The following RUNX1 variants were observed in gnomAD, a reference collection of about 807,000 sequenced individuals.
The protein encoded by RUNX1 is runt-related transcription factor 1.
In RUNX1, 19 loss-of-function variants were observed where a neutral mutation model predicts 42.8. The ratio of observed to expected loss-of-function variants is 0.44; its 90% CI spans 0.31 to 0.65. The LOEUF (loss-of-function observed/expected upper bound fraction) is 0.65, where lower values mean the gene tolerates loss of function less well. Among genes scored for constraint, RUNX1 ranks in the 30% least tolerant of loss-of-function variants. The pLI is 0.07. For synonymous variants in RUNX1, 271 were observed against 289.4 expected (o/e 0.94, Z 0.64); for missense variants, 528 against 672.0 (o/e 0.79, Z 2.37).
At chr21:34,815,289 G>A (rs1223025167) in intron 7 of RUNX1, among the ~76,000 whole-genome samples, 2 of 152,300 alleles carry the variant, frequency 1.3e-5, no homozygotes, top group East Asian at 3.9e-4. Context: ...TGACACAGAG[G>A]TGTTGGAATG....
intron 2 of RUNX1, among the ~76,000 whole-genome samples, chr21:34,919,122 GCA>G (rs2146547630): frequency 6.6e-6 from 1 of 152,240 alleles, no homozygotes; most frequent in South Asian, 2.1e-4. Flanking sequence ...AGAAACTGAG[GCA>G]CACAGTTGTT....
chr21:34,849,302 AT>A lies in RUNX1; in HGVS notation c.613+10171del, dbSNP rs1351554128. Among the ~76,000 whole-genome samples, 45 of 37,174 alleles carry A rather than the reference AT, an allele frequency of 1.2e-3. 3 individuals are homozygous for A. The highest frequency in any genetic ancestry group is 4.1e-3 in the African/African-American group (43 of 10,468). The allele number at this position is 37,174 out of a possible 152,430, so 24.4% of individuals were successfully genotyped here. ...ATAATATATATTATATATAAAATATATAATATATATTATATATATATTATAT... is the reference window on the plus strand; with the variant it reads ...ATAATATATATTATATATAAAATATAAATATATATTATATATATATTATAT... On this transcript the variant is annotated intron_variant, in intron 6 of 8. Coordinates refer to ENST00000675419, the MANE Select transcript of RUNX1 (RefSeq NM_001754.5).
At chr21:34,938,176 A>G (rs1462673093) in intron 2 of RUNX1, among the ~76,000 whole-genome samples, 1 of 152,176 alleles carries the variant, frequency 6.6e-6, no homozygotes, top group Non-Finnish European at 1.5e-5. Context: ...TTAAATGCCT[A>G]TATGTATTGA....
At chr21:34,808,118 C>T (rs1422579221) in intron 7 of RUNX1, among the ~76,000 whole-genome samples, 1 of 152,230 alleles carries the variant, frequency 6.6e-6, no homozygotes, top group Non-Finnish European at 1.5e-5. Context: ...TCAGCACCAG[C>T]TCTGGATCCT....
At chr21:34,821,315 T>G in intron 7 of RUNX1, 7 of 1,138,426 alleles carry the variant, frequency 6.1e-6, no homozygotes, top group Non-Finnish European at 7.6e-6. Context: ...TTATTAAGTA[T>G]TGAAAGTGTA....
intron 2 of RUNX1, among the ~76,000 whole-genome samples, chr21:34,943,767 G>A (rs1405329328): frequency 6.6e-6 from 1 of 152,150 alleles, no homozygotes; most frequent in Non-Finnish European, 1.5e-5. Context: ...TTGCAAAATT[G>A]TGGGGAGAAA....
At chr21:34,845,681 G>A (rs954063189) in intron 6 of RUNX1, among the ~76,000 whole-genome samples, 32 of 152,206 alleles carry the variant, frequency 2.1e-4, no homozygotes, top group African/African-American at 5.5e-4. Context: ...CAGCCGGAGG[G>A]GGACCCCGCC....
intron 2 of RUNX1, among the ~76,000 whole-genome samples, chr21:35,030,556 A>G (rs1239252981): frequency 6.6e-6 from 1 of 152,196 alleles, no homozygotes; most frequent in African/African-American, 2.4e-5. Flanking sequence ...CAAAGATAAG[A>G]GGGCATTAGA....
At chr21:35,033,931 A>G (rs1403913778) in intron 2 of RUNX1, among the ~76,000 whole-genome samples, 1 of 152,222 alleles carries the variant, frequency 6.6e-6, no homozygotes, top group Admixed American at 6.5e-5. Context: ...TAAAAGAGTT[A>G]AGGGCTCTTT....
rs1491284196 is a variant in RUNX1, at chr21:34,989,015, T to TCTC, written c.58+59826_58+59827insGAG. ...CCAGATCTCTCTCTCTCTCTCTCTCTTTTTTTTTTTTTAGATGGAGTTTCA... is the reference window on the plus strand; with the variant it reads ...CCAGATCTCTCTCTCTCTCTCTCTCTCTCTTTTTTTTTTTTAGATGGAGTTTCA... On this transcript the variant is annotated intron_variant, in intron 2 of 8. Coordinates refer to ENST00000675419, the MANE Select transcript of RUNX1 (RefSeq NM_001754.5). 7.5e-3 allele frequency among the ~76,000 whole-genome samples: 925 copies of TCTC among 123,060 alleles called. 12 individuals are homozygous for TCTC. Among genetic ancestry groups the TCTC allele is most frequent in the African/African-American group, 0.048 (890 of 18,722 alleles). 80.7% of individuals were successfully genotyped at this position (123,060 alleles called of 152,430 possible).
chr21:35,004,384 C>T (rs1569147107), intron 2 of RUNX1, among the ~76,000 whole-genome samples: 1 of 152,196 alleles, frequency 6.6e-6, no homozygotes, highest in Non-Finnish European at 1.5e-5. Context: ...ACCTCAATTG[C>T]TTGGCCATAG....
chr21:34,871,995 C>G (rs533540294), intron 5 of RUNX1, among the ~76,000 whole-genome samples: 1 of 152,204 alleles, frequency 6.6e-6, no homozygotes, highest in Non-Finnish European at 1.5e-5. Flanking sequence ...AGGTATGTGC[C>G]ACCACTCCTG....
At chr21:34,825,768 A>C (rs2056978029) in intron 7 of RUNX1, among the ~76,000 whole-genome samples, 1 of 152,214 alleles carries the variant, frequency 6.6e-6, no homozygotes, top group African/African-American at 2.4e-5. Context: ...AGCTATAATT[A>C]AGTGAAGGAT....
chr21:35,004,616 A>T (rs1197286863), intron 2 of RUNX1, among the ~76,000 whole-genome samples: 1 of 152,210 alleles, frequency 6.6e-6, no homozygotes, highest in African/African-American at 2.4e-5. Flanking sequence ...GTAATCATTT[A>T]ATTTTCCCAA....
chr21:34,932,945 T>C (rs1055153695), intron 2 of RUNX1, among the ~76,000 whole-genome samples: 9 of 152,258 alleles, frequency 5.9e-5, no homozygotes, highest in African/African-American at 2.2e-4. Context: ...TCTTATTGCA[T>C]GTGCATCCTC....
intron 6 of RUNX1, among the ~76,000 whole-genome samples, chr21:34,840,839 T>A (rs138023665): frequency 1.3e-5 from 2 of 152,312 alleles, no homozygotes; most frequent in East Asian, 3.9e-4. Context: ...ATGAGTGACC[T>A]TGGACTTCAG....
chr21:34,854,814 T>C (rs1409048603), intron 6 of RUNX1, among the ~76,000 whole-genome samples: 3 of 152,096 alleles, frequency 2.0e-5, no homozygotes, highest in Non-Finnish European at 4.4e-5. Context: ...CCGTGAGCTC[T>C]AGACATGGTC....
At chr21:34,844,996 G>A (rs991514232) in intron 6 of RUNX1, among the ~76,000 whole-genome samples, 3 of 152,218 alleles carry the variant, frequency 2.0e-5, no homozygotes, top group African/African-American at 4.8e-5. Flanking sequence ...TAAGGCTTCC[G>A]GTTGTTTGTG....
At chr21:35,037,781 G>A (rs764021269) in intron 2 of RUNX1, among the ~76,000 whole-genome samples, 13 of 152,182 alleles carry the variant, frequency 8.5e-5, no homozygotes, top group Admixed American at 2.6e-4. Flanking sequence ...TGCTTGGAAC[G>A]GTGCAAGTGC....
Sources: gnomAD v4.1 joint callset for allele counts (sites outside exome capture counted in the v4.1 genomes callset) on GRCh38, gnomAD v4.1.1 for gene constraint, MANE v1.5 for transcripts, NCBI Gene and HGNC (gene_info 2026-07-23, HGNC 2026-07-21) for gene names.